ENPP3: variants seen among roughly 807,000 people sequenced by gnomAD.
ENPP3 encodes ectonucleotide pyrophosphatase/phosphodiesterase 3.
Under a neutral mutation model 117.8 loss-of-function variants are expected in ENPP3, and 104 were observed. The observed-to-expected ratio is 0.88, with a 90% CI of 0.75 to 1.04. The LOEUF (loss-of-function observed/expected upper bound fraction) is 1.04, where lower values mean the gene tolerates loss of function less well. Ranked by LOEUF, ENPP3 falls within the 50% of genes least tolerant of loss-of-function variation. The pLI is 0.00. For synonymous variants in ENPP3, 380 were observed against 349.9 expected, an observed-to-expected ratio of 1.09 and a Z score of -0.96; for missense variants, 1,026 against 1,051.9, an observed-to-expected ratio of 0.98 and a Z score of 0.34.
intron 15 of ENPP3, among the ~76,000 whole-genome samples, chr6:131,695,785 G>C (rs764910720): frequency 6.6e-6 from 1 of 152,054 alleles, no homozygotes; most frequent in South Asian, 2.1e-4. Flanking sequence ...GCATGGTGGC[G>C]TGTACCTGTA....
chr6:131,732,080 G>A (rs2114556260), intron 20 of ENPP3, among the ~76,000 whole-genome samples: 1 of 152,234 alleles, frequency 6.6e-6, no homozygotes, highest in East Asian at 1.9e-4. Flanking sequence ...TGAACTCAGA[G>A]GTTTCAGACA....
At chr6:131,659,217 G>A (rs941888500) in intron 6 of ENPP3, among the ~76,000 whole-genome samples, 2 of 152,276 alleles carry the variant, frequency 1.3e-5, no homozygotes, top group South Asian at 4.1e-4. Context: ...GGAGGTGGAG[G>A]CTAGAGCATC....
At chr6:131,653,045 G>T (rs1778298905) in intron 5 of ENPP3, among the ~76,000 whole-genome samples, 154 bp downstream of exon 5, 1 of 152,154 alleles carries the variant, frequency 6.6e-6, no homozygotes, top group Non-Finnish European at 1.5e-5. Context: ...TGGCTTCCAA[G>T]TTCTAATGGA....
intron 15 of ENPP3, among the ~76,000 whole-genome samples, chr6:131,697,945 C>T (rs950943013): frequency 2.0e-5 from 3 of 152,142 alleles, no homozygotes; most frequent in Non-Finnish European, 4.4e-5. Context: ...GATGGTGAAA[C>T]TATATAGTGC....
intron 15 of ENPP3, chr6:131,701,239 G>T: frequency 5.0e-6 from 7 of 1,394,458 alleles, no homozygotes; most frequent in Non-Finnish European, 6.9e-6. Context: ...ATGGGGGCGT[G>T]CAGTCTGGAG....
chr6:131,654,382 C>A (rs1240079822), intron 5 of ENPP3, among the ~76,000 whole-genome samples: 4 of 152,108 alleles, frequency 2.6e-5, no homozygotes, highest in Non-Finnish European at 5.9e-5. Flanking sequence ...CTCAACTGAT[C>A]CTCCTGCCTT....
chr6:131,703,678 A>G (rs2114481576), intron 15 of ENPP3, among the ~76,000 whole-genome samples: 1 of 149,720 alleles, frequency 6.7e-6, no homozygotes. Flanking sequence ...CTTCATATAG[A>G]AAAGGCAAAC....
At chr6:131,685,026 T>G (rs944748165) in intron 12 of ENPP3, among the ~76,000 whole-genome samples, 3 of 152,096 alleles carry the variant, frequency 2.0e-5, no homozygotes, top group African/African-American at 7.2e-5. Flanking sequence ...CTCAAGTGAG[T>G]TCCCCCCTCA....
rs560401346 is a variant in ENPP3, at chr6:131,673,758, C to T, written c.643-404C>T. ...AAAGAAAATATTTGGAAAAAAATTGCGTCTGTACTGAACATGTACAGACTT... is the reference window on the plus strand; with the variant it reads ...AAAGAAAATATTTGGAAAAAAATTGTGTCTGTACTGAACATGTACAGACTT... On this transcript the variant is annotated intron_variant, in intron 7 of 24. Coordinates refer to ENST00000357639, the MANE Select transcript of ENPP3 (RefSeq NM_005021.5). Among the ~76,000 whole-genome samples, 4 of 152,126 alleles carry T rather than the reference C, an allele frequency of 2.6e-5. No individual in the cohort carries two copies. The East Asian group carries it at 5.8e-4, about 22-fold the overall frequency.
At chr6:131,680,446 A>G (rs1778999871) in intron 11 of ENPP3, among the ~76,000 whole-genome samples, 1 of 152,206 alleles carries the variant, frequency 6.6e-6, no homozygotes, top group Non-Finnish European at 1.5e-5. Flanking sequence ...AGACAAATAA[A>G]TGTGGATTTA....
Position 131,722,164 on chromosome 6 carries a change from C to G in ENPP3, c.1568-63C>G, listed in dbSNP as rs1034910620. On this transcript the variant is annotated intron_variant, in intron 17 of 24. Coordinates refer to ENST00000357639, the MANE Select transcript of ENPP3 (RefSeq NM_005021.5). Reference sequence around the variant, plus strand: ...AGTAGGTGTTTGTTTCTTCCCATCTCCCACAGAGGAGTTGTTGCTTTCCAG... The same window carrying G: ...AGTAGGTGTTTGTTTCTTCCCATCTGCCACAGAGGAGTTGTTGCTTTCCAG... 1.7e-5 allele frequency: 20 copies of G among 1,194,040 alleles called. No homozygotes were observed. The African/African-American group carries it at 2.8e-4, about 16-fold the overall frequency. 74.0% of individuals were successfully genotyped at this position (1,194,040 alleles called of 1,614,324 possible). A position where few individuals can be genotyped will look rare whatever the true frequency, so the allele number is the denominator to read the frequency against.
intron 17 of ENPP3, among the ~76,000 whole-genome samples, chr6:131,721,748 T>C (rs1200274528): frequency 6.6e-6 from 1 of 152,240 alleles, no homozygotes; most frequent in Non-Finnish European, 1.5e-5. Flanking sequence ...TATTGAAACT[T>C]GCTTTTATTA....
rs530537601 is a variant in ENPP3 at position 131,683,019 on chromosome 6, C to T, written c.1012-35C>T. ...AACGGTTTGGCTAATTAAGACAACT[C>T]ATTACGACAATCTTAACTCCAAATT... On this transcript the variant is annotated intron_variant, in intron 11 of 24. Coordinates refer to ENST00000357639, the MANE Select transcript of ENPP3 (RefSeq NM_005021.5). The T allele has an allele frequency of 6.4e-6, 8 of 1,255,170 alleles. No homozygotes were observed. The African/African-American group carries it at 1.0e-4, about 16-fold the overall frequency. The allele number at this position is 1,255,170 out of a possible 1,614,324, so 77.8% of individuals were successfully genotyped here.
chr6:131,662,245 T>A (rs1320449717), intron 6 of ENPP3, among the ~76,000 whole-genome samples: 3 of 152,088 alleles, frequency 2.0e-5, no homozygotes, highest in Non-Finnish European at 4.4e-5. Context: ...CTGAGATCTC[T>A]ATTCTTTTTT....
intron 12 of ENPP3, among the ~76,000 whole-genome samples, chr6:131,683,540 A>AT (rs890169300): frequency 2.0e-5 from 3 of 150,904 alleles, no homozygotes; most frequent in South Asian, 2.1e-4. Context: ...CACCGTGTGT[A>AT]TTTTTTTTTA....
chr6:131,745,814 T>C (rs1780624351), intron 24 of ENPP3, among the ~76,000 whole-genome samples: 1 of 152,122 alleles, frequency 6.6e-6, no homozygotes, highest in African/African-American at 2.4e-5. Flanking sequence ...TAATATCTGA[T>C]AAAGTTAAAA....
chr6:131,665,582 T>C (rs1393399960), intron 6 of ENPP3, among the ~76,000 whole-genome samples: 1 of 152,150 alleles, frequency 6.6e-6, no homozygotes, highest in East Asian at 1.9e-4. Context: ...GTATCAATTG[T>C]AATGTCTCCT....
chr6:131,701,863 C>G (rs1420562405), intron 15 of ENPP3, among the ~76,000 whole-genome samples: 1 of 138,520 alleles, frequency 7.2e-6, no homozygotes, highest in Non-Finnish European at 1.5e-5. Flanking sequence ...GCCTGGGTGA[C>G]AGAGCCAGAC....
rs1462956082 is a variant in ENPP3 at position 131,652,642 on chromosome 6, T to C, written c.378T>C (p.Cys126=). ...SDDCLQRKDC[C]ADYKSVCQGE... ...ACTGTTTGCAGAGGAAAGATTGCTG[T>C]GCTGACTATAAGAGTGTTTGCCAAG... Residue 126 remains cysteine, a synonymous_variant, in exon 4 of 25, where the codon TGT becomes TGC. Transcript: ENST00000357639. 4.3e-6 allele frequency: 7 copies of C among 1,614,102 alleles called. No homozygotes were observed. In the East Asian group the frequency reaches 1.1e-4, roughly 26 times the overall value.
Sources: gnomAD v4.1 joint callset for allele counts (sites outside exome capture counted in the v4.1 genomes callset) on GRCh38, gnomAD v4.1.1 for gene constraint, MANE v1.5 for transcripts, NCBI Gene and HGNC (gene_info 2026-07-23, HGNC 2026-07-21) for gene names.